The following CMTM3 variants were observed in gnomAD, a reference collection of about 807,000 sequenced individuals.
The protein encoded by CMTM3 is CKLF-like MARVEL transmembrane domain-containing protein 3.
A neutral mutation model predicts 18.2 loss-of-function variants in CMTM3; 7 were observed. The ratio of observed to expected loss-of-function variants is 0.38; its 90% CI spans 0.22 to 0.72. The LOEUF (loss-of-function observed/expected upper bound fraction) is 0.72. Ranked by LOEUF, CMTM3 falls within the 30% of genes least tolerant of loss-of-function variation. The probability of loss-of-function intolerance (pLI) is 0.46; values close to 1 mark genes in which losing one functional copy is unlikely to be tolerated. For missense variants in CMTM3, 227 were observed against 249.2 expected (o/e 0.91, Z 0.60); for synonymous variants, 109 against 111.2 (o/e 0.98, Z 0.12).
Position 66,609,618 on chromosome 16 carries a change from C to T in CMTM3, c.399+88C>T. 1.3e-6 allele frequency: 2 copies of T among 1,514,522 alleles called. No individual in the cohort carries two copies. Among genetic ancestry groups the T allele is most frequent in the Non-Finnish European group, 1.8e-6 (2 of 1,119,150 alleles). The allele number at this position is 1,514,522 out of a possible 1,614,324, so 93.8% of individuals were successfully genotyped here. Reference sequence around the variant, plus strand: ...GGACCTGGGGCAGAGCCTTTCCCTGCTGGGGCCCCCCTGGGGTCTCATGTG... The same window carrying T: ...GGACCTGGGGCAGAGCCTTTCCCTGTTGGGGCCCCCCTGGGGTCTCATGTG... On this transcript the variant is annotated intron_variant, in intron 3 of 4. Transcript: ENST00000567572. This position sits in a 1 kb window ranked among gnomAD's most constrained non-coding sequence, Gnocchi z 4.4.
rs1372923736 is a variant in CMTM3 at position 66,608,339 on chromosome 16, G to T, written c.178G>T (p.Val60Leu). 6.2e-7 allele frequency: 1 copy of T among 1,614,222 alleles called. No homozygotes were observed. Among genetic ancestry groups the T allele is most frequent in the Admixed American group, 1.7e-5 (1 of 60,026 alleles). Residue 60 changes from valine to leucine, a missense_variant, in exon 2 of 5, where the codon GTG becomes TTG. Coordinates refer to ENST00000567572, the MANE Select transcript of CMTM3 (RefSeq NM_181553.4). This position sits in a 1 kb window ranked among gnomAD's most constrained non-coding sequence, Gnocchi z 5.1. ...CTCATTCATCACTTTTATCTGCTAT[G>T]TGGCGTCCTCAGCATCTGCCTTCCT... ...GLSFITFICY[V>L]ASSASAFLTA...
In CMTM3 at chr16:66,610,143, C is replaced by G; in HGVS notation, c.520+140C>G. ...AAGTGTTTTCACAGCCCATTCTCAC[C>G]TACCCTCATGCAGCACTGATCCAAA... On this transcript the variant is annotated intron_variant, in intron 4 of 4. Coordinates refer to ENST00000567572, the MANE Select transcript of CMTM3 (RefSeq NM_181553.4). The surrounding 1 kb of genome is among the most constrained non-coding windows in gnomAD (Gnocchi z 4.6). 1 of 1,063,152 alleles carries G rather than the reference C, an allele frequency of 9.4e-7. No individual in the cohort carries two copies. The highest frequency in any genetic ancestry group is 1.4e-6 in the Non-Finnish European group (1 of 728,254). 65.9% of individuals were successfully genotyped at this position (1,063,152 alleles called of 1,614,324 possible).
upstream of CMTM3, chr16:66,604,372 G>A (rs1228660559): frequency 6.4e-6 from 1 of 156,140 alleles, no homozygotes; most frequent in Non-Finnish European, 1.4e-5. Context: ...ATCACGGCCG[G>A]GGTCTTTGCT....
At chr16:66,607,862 G>A (rs1254128789) in intron 1 of CMTM3, among the ~76,000 whole-genome samples, 10 of 151,280 alleles carry the variant, frequency 6.6e-5, no homozygotes, top group African/African-American at 2.2e-4. Context: ...GGGCGGGTGC[G>A]GACAGGGTCT....
In CMTM3 at chr16:66,609,863, C is replaced by A. The variant is rs779520018; in HGVS notation, c.400-20C>A. On this transcript the variant is annotated intron_variant, in intron 3 of 4. Transcript: ENST00000567572. The surrounding 1 kb of genome is among the most constrained non-coding windows in gnomAD (Gnocchi z 4.4). ...GCAGGGAGTCAGCCCTGTGATGCAT[C>A]CCATCCACCCTGTCCACAGGTGTTT... 7.4e-6 allele frequency: 12 copies of A among 1,614,174 alleles called. No homozygotes were observed. The highest frequency in any genetic ancestry group is 9.3e-6 in the Non-Finnish European group (11 of 1,180,032).
In CMTM3 at chr16:66,611,046, C is replaced by T. The variant is rs1481304961; in HGVS notation, c.520+1043C>T. ...ACCAGCCCAGGGACCAATTAGTAAA[C>T]GTCAGTGGAAACTTGGGTGGTTTTA... On this transcript the variant is annotated intron_variant, in intron 4 of 4. Coordinates refer to ENST00000567572, the MANE Select transcript of CMTM3 (RefSeq NM_181553.4). 3.0e-5 allele frequency: 12 copies of T among 397,112 alleles called. No homozygotes were observed. The East Asian group carries it at 3.9e-4, about 13-fold the overall frequency. 24.6% of individuals were successfully genotyped at this position (397,112 alleles called of 1,614,324 possible).
Position 66,612,411 on chromosome 16 carries a change from G to T in CMTM3, c.521-198G>T, listed in dbSNP as rs1567396797. Among the ~76,000 whole-genome samples, 3 of 152,232 alleles carry T rather than the reference G, an allele frequency of 2.0e-5. No homozygotes were observed. The highest frequency in any genetic ancestry group is 7.2e-5 in the African/African-American group (3 of 41,554). On this transcript the variant is annotated intron_variant, in intron 4 of 4. Coordinates refer to ENST00000567572, the MANE Select transcript of CMTM3 (RefSeq NM_181553.4). This position sits in a 1 kb window ranked among gnomAD's most constrained non-coding sequence, Gnocchi z 6.0. The stretch of plus-strand genomic sequence containing the variant: ...CAACAACAAAAAAAAAAGAGAGAGA[G>T]AAAGTGGCTGCTGCCTGTGGAGGGC...
intron 4 of CMTM3, among the ~76,000 whole-genome samples, chr16:66,611,257 A>T (rs1454548700): frequency 6.6e-6 from 1 of 152,178 alleles, no homozygotes; most frequent in Non-Finnish European, 1.5e-5. Context: ...GTTTGAGACC[A>T]GCCTGGCCAA....
intron 4 of CMTM3, among the ~76,000 whole-genome samples, chr16:66,611,508 C>T (rs1014586696): frequency 4.6e-5 from 7 of 152,158 alleles, no homozygotes; most frequent in Admixed American, 6.5e-5. Flanking sequence ...GCCCAGGAAC[C>T]GGAGTGAGGG....
chr16:66,609,760 G>T lies in CMTM3; in HGVS notation c.400-123G>T. The T allele has an allele frequency of 6.3e-7, 1 of 1,596,618 alleles. No individual in the cohort carries two copies. The highest frequency in any genetic ancestry group is 8.5e-7 in the Non-Finnish European group (1 of 1,171,690). On this transcript the variant is annotated intron_variant, in intron 3 of 4. Transcript: ENST00000567572. The surrounding 1 kb of genome is among the most constrained non-coding windows in gnomAD (Gnocchi z 4.4). ...TTTTCCCACTTCCGTTACTCACAGG[G>T]GTCTGTGCCTGACACTCGGGCTGTT...
Position 66,610,060 on chromosome 16 carries a change from G to C in CMTM3, c.520+57G>C. ...CTGCAACAGGGGCCTGCCCTCCCTC[G>C]GGGATGCCAGCTAGTTTGAGGCTGG... is the stretch of plus-strand genomic sequence containing the variant. On this transcript the variant is annotated intron_variant, in intron 4 of 4. Transcript: ENST00000567572. The surrounding 1 kb of genome is among the most constrained non-coding windows in gnomAD (Gnocchi z 4.6). 1 of 1,598,524 alleles carries C rather than the reference G, an allele frequency of 6.3e-7. No individual in the cohort carries two copies. The highest frequency in any genetic ancestry group is 8.5e-7 in the Non-Finnish European group (1 of 1,171,214).
chr16:66,609,524 C>T lies in CMTM3; in HGVS notation c.393C>T (p.Ala131=), dbSNP rs573186551. The change falls in exon 3 of 5, where the codon GCC becomes GCT. Residue 131 remains alanine (A), a synonymous_variant. Transcript: ENST00000567572. This position sits in a 1 kb window ranked among gnomAD's most constrained non-coding sequence, Gnocchi z 4.4. Reference sequence around the variant, plus strand: ...AGTACTCGGATGGGGCTTCCAAAGCCGCTGGGGTGAGCAGCCGCCCCACCC... The same window carrying T: ...AGTACTCGGATGGGGCTTCCAAAGCTGCTGGGGTGAGCAGCCGCCCCACCC... The part of the protein sequence containing the change: ...IAKYSDGASK[A]AGVFGFFATI... 25 of 1,599,776 alleles carry T rather than the reference C, an allele frequency of 1.6e-5. No homozygotes were observed. The South Asian group carries it at 2.1e-4, about 14-fold the overall frequency.
rs560216807 is a variant in CMTM3, at chr16:66,613,184, G to GA, written c.*550dup. 3.2e-4 allele frequency: 226 copies of GA among 700,198 alleles called. 1 individual carries two copies. The East Asian group carries it at 5.9e-3, about 18-fold the overall frequency. 43.4% of individuals were successfully genotyped at this position (700,198 alleles called of 1,614,324 possible). A position where few individuals can be genotyped will look rare whatever the true frequency, so the allele number is the denominator to read the frequency against. On this transcript the variant is annotated 3_prime_UTR_variant, in exon 5 of 5. Coordinates refer to ENST00000567572, the MANE Select transcript of CMTM3 (RefSeq NM_181553.4). The stretch of plus-strand genomic sequence containing the variant: ...TCCCTCTTCATTCTTGAAGCAGGGA[G>GA]AAATTGACCTTTGCCTTGTCGCCCA...
Position 66,605,554 on chromosome 16 carries a change from C to G in CMTM3, c.147+602C>G, listed in dbSNP as rs1419678560. On this transcript the variant is annotated intron_variant, in intron 1 of 4. Transcript: ENST00000567572. The surrounding 1 kb of genome is among the most constrained non-coding windows in gnomAD (Gnocchi z 4.6). ...CCTCTGGACACCGGAGGCGCCCGCA[C>G]TGTCCGCTGTGGGGTAGGGGTGGCG... The G allele has an allele frequency of 6.6e-6, 1 of 152,426 alleles. No individual in the cohort carries two copies. Among genetic ancestry groups the G allele is most frequent in the East Asian group, 1.9e-4 (1 of 5,182 alleles). 9.4% of individuals were successfully genotyped at this position (152,426 alleles called of 1,614,324 possible).
At position 66,609,705 on chromosome 16, in the gene CMTM3, G is replaced by C; in HGVS notation, c.399+175G>C. ...ACTGACTCTACCCGGGGTTTTGAAA[G>C]GCTGTTTGTCAAACCAAGTTCACAG... On this transcript the variant is annotated intron_variant, in intron 3 of 4. Coordinates refer to ENST00000567572, the MANE Select transcript of CMTM3 (RefSeq NM_181553.4). This position sits in a 1 kb window ranked among gnomAD's most constrained non-coding sequence, Gnocchi z 4.4. 6.5e-7 allele frequency: 1 copy of C among 1,548,944 alleles called. No homozygotes were observed. Among genetic ancestry groups the C allele is most frequent in the Non-Finnish European group, 8.7e-7 (1 of 1,148,232 alleles).
At position 66,609,774 on chromosome 16, in the gene CMTM3, A is replaced by C. The variant is rs181826390; in HGVS notation, c.400-109A>C. On this transcript the variant is annotated intron_variant, in intron 3 of 4. Coordinates refer to ENST00000567572, the MANE Select transcript of CMTM3 (RefSeq NM_181553.4). This position sits in a 1 kb window ranked among gnomAD's most constrained non-coding sequence, Gnocchi z 4.4. Reference sequence around the variant, plus strand: ...TTACTCACAGGGGTCTGTGCCTGACACTCGGGCTGTTTGTCCAAGCAGATC... The same window carrying C: ...TTACTCACAGGGGTCTGTGCCTGACCCTCGGGCTGTTTGTCCAAGCAGATC... The C allele has an allele frequency of 8.0e-5, 128 of 1,606,926 alleles. No homozygotes were observed. The highest frequency in any genetic ancestry group is 1.7e-4 in the Admixed American group (10 of 58,280).
rs891924390 is a variant in CMTM3, at chr16:66,605,790, G to T, written c.147+838G>T. Among the ~76,000 whole-genome samples the T allele has an allele frequency of 2.0e-5, 3 of 152,308 alleles. 1 individual carries two copies. In the South Asian group the frequency reaches 6.2e-4, roughly 32 times the overall value. On this transcript the variant is annotated intron_variant, in intron 1 of 4. Coordinates refer to ENST00000567572, the MANE Select transcript of CMTM3 (RefSeq NM_181553.4). This position sits in a 1 kb window ranked among gnomAD's most constrained non-coding sequence, Gnocchi z 4.6. Reference sequence around the variant, plus strand: ...GCCCAGTGAGAGCGGCCAGGAGGGTGGGGGCAGGAGGAAGGGGGATTCTGC... The same window carrying T: ...GCCCAGTGAGAGCGGCCAGGAGGGTTGGGGCAGGAGGAAGGGGGATTCTGC...
At position 66,610,076 on chromosome 16, in the gene CMTM3, T is replaced by C; in HGVS notation, c.520+73T>C. 1 of 1,581,560 alleles carries C rather than the reference T, an allele frequency of 6.3e-7. No individual in the cohort carries two copies. Among genetic ancestry groups the C allele is most frequent in the Non-Finnish European group, 8.6e-7 (1 of 1,158,604 alleles). ...CCCTCCCTCGGGGATGCCAGCTAGTTTGAGGCTGGGGTGGGATCATTTCCT... is the reference window on the plus strand; with the variant it reads ...CCCTCCCTCGGGGATGCCAGCTAGTCTGAGGCTGGGGTGGGATCATTTCCT... On this transcript the variant is annotated intron_variant, in intron 4 of 4. Coordinates refer to ENST00000567572, the MANE Select transcript of CMTM3 (RefSeq NM_181553.4). This position sits in a 1 kb window ranked among gnomAD's most constrained non-coding sequence, Gnocchi z 4.6.
chr16:66,610,140 C>T lies in CMTM3; in HGVS notation c.520+137C>T. ...AGGAAGTGTTTTCACAGCCCATTCT[C>T]ACCTACCCTCATGCAGCACTGATCC... On this transcript the variant is annotated intron_variant, in intron 4 of 4. Coordinates refer to ENST00000567572, the MANE Select transcript of CMTM3 (RefSeq NM_181553.4). The surrounding 1 kb of genome is among the most constrained non-coding windows in gnomAD (Gnocchi z 4.6). 2 of 1,076,766 alleles carry T rather than the reference C, an allele frequency of 1.9e-6. No individual in the cohort carries two copies. The highest frequency in any genetic ancestry group is 2.7e-6 in the Non-Finnish European group (2 of 739,490). 66.7% of individuals were successfully genotyped at this position (1,076,766 alleles called of 1,614,324 possible).
Sources: allele counts gnomAD v4.1 joint callset (sites outside exome capture counted in the v4.1 genomes callset), GRCh38; gene constraint gnomAD v4.1.1; non-coding constraint Gnocchi (gnomAD v3.1); transcripts MANE v1.5; gene names NCBI Gene and HGNC (gene_info 2026-07-23, HGNC 2026-07-21).